The following MAPK4 variants were observed in gnomAD, a reference collection of about 807,000 sequenced individuals.
MAPK4 encodes Erk3-related.
A neutral mutation model predicts 47.7 loss-of-function variants in MAPK4; 22 were observed. The ratio of observed to expected loss-of-function variants is 0.46; its 90% CI spans 0.33 to 0.66. The LOEUF is 0.66. Among genes scored for constraint, MAPK4 ranks in the 30% least tolerant of loss-of-function variants. MAPK4 has a pLI of 0.02. For missense variants in MAPK4, 736 were observed against 831.7 expected (o/e 0.88, Z 1.42); for synonymous variants, 390 against 365.7 (o/e 1.07, Z -0.76).
At chr18:50,697,783 A>G (rs1488038162) in intron 2 of MAPK4, among the ~76,000 whole-genome samples, 2 of 152,212 alleles carry the variant, frequency 1.3e-5, no homozygotes, top group Admixed American at 6.5e-5. Context: ...ATCTGGAGAT[A>G]GAAATGCTCA....
At chr18:50,659,826 A>G (rs940428403) in intron 1 of MAPK4, among the ~76,000 whole-genome samples, 1 of 152,210 alleles carries the variant, frequency 6.6e-6, no homozygotes, top group African/African-American at 2.4e-5. Context: ...CATCTCAGAC[A>G]GTGAATGCCA....
At chr18:50,659,369 A>G (rs1012506923) in intron 1 of MAPK4, among the ~76,000 whole-genome samples, 10 of 152,196 alleles carry the variant, frequency 6.6e-5, no homozygotes, top group African/African-American at 1.9e-4. Flanking sequence ...GGAAGAAAGC[A>G]GTGTCTGTGA....
intron 1 of MAPK4, among the ~76,000 whole-genome samples, chr18:50,614,039 GT>G (rs1367169455): frequency 2.6e-5 from 4 of 152,122 alleles, no homozygotes; most frequent in Non-Finnish European, 5.9e-5. Context: ...GAAAGCTATG[GT>G]CTTGATATCA....
In MAPK4 at chr18:50,711,160, C is replaced by T. The variant is rs567096794; in HGVS notation, c.547-3919C>T. On this transcript the variant is annotated intron_variant, in intron 2 of 5. Transcript: ENST00000400384. Reference sequence around the variant, plus strand: ...GCTCAGAGCTTTAATTATACCTTCTCTCTATCCTTCAGGGGCCCCTAATTA... The same window carrying T: ...GCTCAGAGCTTTAATTATACCTTCTTTCTATCCTTCAGGGGCCCCTAATTA... Among the ~76,000 whole-genome samples the T allele has an allele frequency of 1.1e-4, 17 of 152,362 alleles. 1 individual carries two copies. The South Asian group carries it at 3.5e-3, about 32-fold the overall frequency.
In MAPK4 at chr18:50,683,453, GGTGTGTGTGT is replaced by G. The variant is rs3045776; in HGVS notation, c.546+18978_546+18987del. On this transcript the variant is annotated intron_variant, in intron 2 of 5. Coordinates refer to ENST00000400384, the MANE Select transcript of MAPK4 (RefSeq NM_002747.4). Reference sequence around the variant, plus strand: ...TGTTCATTATTTTTATTGGTGATGGGGTGTGTGTGTGTGTGTGTGTGTGTGTGTGTGTGTG... The same window carrying G: ...TGTTCATTATTTTTATTGGTGATGGGGTGTGTGTGTGTGTGTGTGTGTGTG... Among the ~76,000 whole-genome samples the G allele has an allele frequency of 4.5e-4, 64 of 142,256 alleles. No homozygotes were observed. The East Asian group carries it at 7.2e-3, about 16-fold the overall frequency. 93.3% of individuals were successfully genotyped at this position (142,256 alleles called of 152,430 possible). A position where few individuals can be genotyped will look rare whatever the true frequency, so the allele number is the denominator to read the frequency against.
At position 50,726,135 on chromosome 18, in the gene MAPK4, A is replaced by C; in HGVS notation, c.1027A>C (p.Asn343His). ...CGACGACATCGTGCTGATGGCCGCT[A>C]ACCAGAGCCAGCTGTCCAACTGGGA... is the stretch of plus-strand genomic sequence containing the variant. ...EIDDIVLMAA[N>H]QSQLSNWDTC... Residue 343 changes from asparagine to histidine, a missense_variant, in exon 5 of 6, where the codon AAC (asparagine) becomes CAC (histidine). Asn to His is a moderately conservative substitution (Grantham distance 68, BLOSUM62 1). Coordinates refer to ENST00000400384, the MANE Select transcript of MAPK4 (RefSeq NM_002747.4). 1 of 1,614,130 alleles carries C rather than the reference A, an allele frequency of 6.2e-7. No individual in the cohort carries two copies. Among genetic ancestry groups the C allele is most frequent in the Non-Finnish European group, 8.5e-7 (1 of 1,180,012 alleles).
chr18:50,644,180 G>T (rs1451731956), intron 1 of MAPK4, among the ~76,000 whole-genome samples: 1 of 152,076 alleles, frequency 6.6e-6, no homozygotes, highest in East Asian at 1.9e-4. Context: ...GGAGAGGGAA[G>T]GGGGGAACAA....
At chr18:50,684,270 C>T (rs1193556647) in intron 2 of MAPK4, among the ~76,000 whole-genome samples, 2 of 152,152 alleles carry the variant, frequency 1.3e-5, no homozygotes, top group Non-Finnish European at 1.5e-5. Context: ...TTTGACCAGG[C>T]GTGATGACTC....
chr18:50,676,327 G>C (rs1598898932), intron 2 of MAPK4, among the ~76,000 whole-genome samples: 1 of 152,166 alleles, frequency 6.6e-6, no homozygotes, highest in African/African-American at 2.4e-5. Flanking sequence ...TATGTGTAAA[G>C]AGATTAGACC....
intron 4 of MAPK4, among the ~76,000 whole-genome samples, chr18:50,723,901 GT>G (rs1911062153): frequency 6.6e-6 from 1 of 151,670 alleles, no homozygotes; most frequent in African/African-American, 2.4e-5. Context: ...ATTTCCTAGT[GT>G]TTGGGCTTCC....
intron 2 of MAPK4, among the ~76,000 whole-genome samples, chr18:50,700,691 A>C (rs1463073364): frequency 6.6e-6 from 1 of 152,128 alleles, no homozygotes; most frequent in Non-Finnish European, 1.5e-5. Context: ...TGTCTGGGAC[A>C]TTTGCATTCT....
chr18:50,573,331 G>A (rs1323033712), intron 1 of MAPK4, among the ~76,000 whole-genome samples: 1 of 152,148 alleles, frequency 6.6e-6, no homozygotes, highest in Non-Finnish European at 1.5e-5. Flanking sequence ...CCGCACAGCA[G>A]GAGGAGAGCA....
At chr18:50,701,359 AC>A (rs1909778890) in intron 2 of MAPK4, among the ~76,000 whole-genome samples, 1 of 152,180 alleles carries the variant, frequency 6.6e-6, no homozygotes, top group South Asian at 2.1e-4. Context: ...TGTAATATTC[AC>A]AAAGCAAGTT....
rs2042733998 is a variant in MAPK4 at position 50,621,788 on chromosome 18, T to C, written c.-870-41301T>C. ...AGTTCTAAAAGCTTTGCTTATGATT[T>C]CCCTGGAGTTTCTTGAGGGTCTCCC... On this transcript the variant is annotated intron_variant, in intron 1 of 5. Transcript: ENST00000400384. Among the ~76,000 whole-genome samples, 4 of 152,378 alleles carry C rather than the reference T, an allele frequency of 2.6e-5. No homozygotes were observed. The South Asian group carries it at 8.3e-4, about 32-fold the overall frequency.
At chr18:50,656,746 G>A (rs555081482) in intron 1 of MAPK4, among the ~76,000 whole-genome samples, 3 of 152,218 alleles carry the variant, frequency 2.0e-5, no homozygotes, top group South Asian at 2.1e-4. Context: ...GAATGTTCCT[G>A]CATTGTTTCC....
intron 1 of MAPK4, among the ~76,000 whole-genome samples, chr18:50,626,426 C>T (rs377412630): frequency 2.2e-4 from 33 of 152,224 alleles, no homozygotes; most frequent in East Asian, 1.5e-3. Flanking sequence ...ATGGCGTCTG[C>T]GGTCCTTGCA....
intron 1 of MAPK4, among the ~76,000 whole-genome samples, chr18:50,563,880 G>GGTCTCTTA (rs2042175896): frequency 6.6e-6 from 1 of 152,146 alleles, no homozygotes; most frequent in Admixed American, 6.5e-5. Flanking sequence ...TCTTAAATAT[G>GGTCTCTTA]AATGTAGGTC....
chr18:50,573,990 C>T (rs1347204044), intron 1 of MAPK4, among the ~76,000 whole-genome samples: 6 of 152,160 alleles, frequency 3.9e-5, no homozygotes, highest in Non-Finnish European at 7.3e-5. Context: ...TAGTTACTAC[C>T]TGCTTCCCTA....
chr18:50,568,071 C>T (rs1267096671), intron 1 of MAPK4, among the ~76,000 whole-genome samples: 1 of 151,734 alleles, frequency 6.6e-6, no homozygotes, highest in Non-Finnish European at 1.5e-5. Flanking sequence ...TGGCGGATGC[C>T]TGTAGTCCCA....
Sources: allele counts gnomAD v4.1 joint callset (sites outside exome capture counted in the v4.1 genomes callset), GRCh38; gene constraint gnomAD v4.1.1; transcripts MANE v1.5; gene names NCBI Gene and HGNC (gene_info 2026-07-23, HGNC 2026-07-21).